The following LARGE1 variants were observed in gnomAD, a reference collection of about 807,000 sequenced individuals.
The protein encoded by LARGE1 is xylosyl- and glucuronyltransferase LARGE1.
In LARGE1, 43 loss-of-function variants were observed where a neutral mutation model predicts 87.6. That is an observed-to-expected ratio of 0.49 (90% CI 0.38 to 0.63). The LOEUF (loss-of-function observed/expected upper bound fraction) is 0.63, where lower values mean the gene tolerates loss of function less well. Ranked by LOEUF, LARGE1 falls within the 30% of genes least tolerant of loss-of-function variation. The probability of loss-of-function intolerance (pLI) is 0.00; values close to 1 mark genes in which losing one functional copy is unlikely to be tolerated. For missense variants in LARGE1, 802 were observed against 1,000.2 expected (o/e 0.80, Z 2.67); for synonymous variants, 434 against 394.6 (o/e 1.10, Z -1.18).
chr22:33,133,297 A>AT, the LARGE1 span, among the ~76,000 whole-genome samples: 1 of 152,188 alleles, frequency 6.6e-6, no homozygotes, highest in South Asian at 2.1e-4. Context: ...CGTCATCTAC[A>AT]TTAGGTATTT....
At chr22:33,178,805 G>T (rs1382469912) in intron 11 of LARGE1, among the ~76,000 whole-genome samples, 1 of 152,124 alleles carries the variant, frequency 6.6e-6, no homozygotes, top group Non-Finnish European at 1.5e-5. Context: ...ACTATAAACT[G>T]TTGGCATCCT....
intron 5 of LARGE1, among the ~76,000 whole-genome samples, chr22:33,577,806 G>C (rs1435185955): frequency 1.3e-5 from 2 of 152,220 alleles, no homozygotes; most frequent in East Asian, 1.9e-4. Flanking sequence ...GGATGATCCA[G>C]AGTTGTCCCT....
At chr22:33,452,790 C>T (rs2067987728) in intron 6 of LARGE1, among the ~76,000 whole-genome samples, 1 of 152,196 alleles carries the variant, frequency 6.6e-6, no homozygotes, top group Non-Finnish European at 1.5e-5. Context: ...CCCTTGAAAA[C>T]AGCTGAGGCA....
At chr22:33,266,573 A>G (rs918655732) in intron 11 of LARGE1, among the ~76,000 whole-genome samples, 4 of 151,836 alleles carry the variant, frequency 2.6e-5, no homozygotes, top group South Asian at 4.1e-4. Context: ...TATCTTTAAC[A>G]TATGGAGAAT....
intron 1 of LARGE1, among the ~76,000 whole-genome samples, chr22:33,823,380 T>A (rs1250477801): frequency 3.3e-5 from 5 of 152,244 alleles, no homozygotes; most frequent in Non-Finnish European, 5.9e-5. Flanking sequence ...GTTTTCATCC[T>A]GTCTTCCCAG....
At chr22:33,593,451 CA>C (rs2078899950) in intron 5 of LARGE1, among the ~76,000 whole-genome samples, 1 of 152,124 alleles carries the variant, frequency 6.6e-6, no homozygotes. Flanking sequence ...CTATTTTGCT[CA>C]AAACTCTGCA....
chr22:33,630,397 C>T (rs990986024), intron 3 of LARGE1, among the ~76,000 whole-genome samples: 11 of 152,058 alleles, frequency 7.2e-5, no homozygotes, highest in Admixed American at 4.6e-4. Flanking sequence ...CTTTGTCTTC[C>T]GAGCAACTTT....
the LARGE1 span, among the ~76,000 whole-genome samples, chr22:33,102,178 T>C: frequency 6.6e-6 from 1 of 150,854 alleles, no homozygotes; most frequent in Admixed American, 6.6e-5. Context: ...TTTTTTTCCT[T>C]TTTTTTTTTG....
At chr22:33,308,758 C>A (rs1935225644) in intron 11 of LARGE1, among the ~76,000 whole-genome samples, 1 of 152,178 alleles carries the variant, frequency 6.6e-6, no homozygotes, top group Non-Finnish European at 1.5e-5. Context: ...ATGAGCCCAG[C>A]AGAGTCTAGC....
chr22:33,645,411 C>A (rs752639972), intron 3 of LARGE1, among the ~76,000 whole-genome samples: 1 of 152,084 alleles, frequency 6.6e-6, no homozygotes, highest in African/African-American at 2.4e-5. Context: ...TGAAACTGGA[C>A]CCCTTCCTTA....
At chr22:33,336,732 C>A (rs1393125976) in intron 10 of LARGE1, among the ~76,000 whole-genome samples, 1 of 152,094 alleles carries the variant, frequency 6.6e-6, no homozygotes, top group Non-Finnish European at 1.5e-5. Context: ...GGGCAACCTG[C>A]CTAATCTCTC....
At chr22:33,485,266 T>C (rs1228191497) in intron 6 of LARGE1, among the ~76,000 whole-genome samples, 6 of 149,248 alleles carry the variant, frequency 4.0e-5, no homozygotes, top group Non-Finnish European at 8.9e-5. Context: ...CAGGCTGGAG[T>C]GCAGTGGCAC....
chr22:33,858,195 C>T lies in LARGE1; in HGVS notation c.-83+61800G>A, dbSNP rs56664238. On this transcript the variant is annotated intron_variant, in intron 1 of 14. Coordinates refer to ENST00000397394, the MANE Select transcript of LARGE1 (RefSeq NM_133642.5). ...AACAACGGCAAGCCTTTAGCCCGAT[C>T]GGGAGCGGCAATGGGCACCTTGCTG... 1.4e-3 allele frequency among the ~76,000 whole-genome samples: 209 copies of T among 152,300 alleles called. 3 individuals are homozygous for T. In the East Asian group the frequency reaches 0.026, roughly 19 times the overall value.
intron 13 of LARGE1, among the ~76,000 whole-genome samples, chr22:33,282,731 C>T (rs1311672228): frequency 6.6e-6 from 1 of 152,168 alleles, no homozygotes; most frequent in Non-Finnish European, 1.5e-5. Flanking sequence ...TACACGTCCC[C>T]CAGGCCTCAG....
In LARGE1 at chr22:33,607,848, T is replaced by A. The variant is rs548630100; in HGVS notation, c.492-3290A>T. On this transcript the variant is annotated intron_variant, in intron 4 of 14. Transcript: ENST00000397394. ...CAGTCAGCACTGCAGAATTTCCCCA[T>A]GGGACCCACTGCCTTTTAAAGACTG... Among the ~76,000 whole-genome samples, 3 of 152,364 alleles carry A rather than the reference T, an allele frequency of 2.0e-5. No homozygotes were observed. In the East Asian group the frequency reaches 5.8e-4, roughly 29 times the overall value.
chr22:33,336,029 G>C (rs139359588), intron 10 of LARGE1, among the ~76,000 whole-genome samples: 1 of 152,312 alleles, frequency 6.6e-6, no homozygotes, highest in African/African-American at 2.4e-5. Context: ...AAGGTCCTCA[G>C]TAAATGTTTG....
intron 2 of LARGE1, among the ~76,000 whole-genome samples, chr22:33,698,342 C>A (rs1449939156): frequency 1.4e-5 from 2 of 142,946 alleles, no homozygotes; most frequent in African/African-American, 5.3e-5. Context: ...ACTCAGTCAC[C>A]CAGGCTGGAG....
At chr22:33,650,323 G>C in intron 3 of LARGE1, 44 bp downstream of exon 3, 7 of 1,611,312 alleles carry the variant, frequency 4.3e-6, no homozygotes, top group Non-Finnish European at 5.9e-6. Context: ...GAGGGCAATC[G>C]GGACTTTGGA....
chr22:33,287,739 G>C (rs757918203), intron 12 of LARGE1, among the ~76,000 whole-genome samples: 5 of 152,222 alleles, frequency 3.3e-5, no homozygotes, highest in Non-Finnish European at 5.9e-5. Flanking sequence ...CAGTGGGGCA[G>C]GACGATGAGT....
Sources: gnomAD v4.1 joint callset for allele counts (sites outside exome capture counted in the v4.1 genomes callset) on GRCh38, gnomAD v4.1.1 for gene constraint, MANE v1.5 for transcripts, NCBI Gene and HGNC (gene_info 2026-07-23, HGNC 2026-07-21) for gene names.